PDZRN4: variants seen among roughly 807,000 people sequenced by gnomAD.
PDZRN4 encodes the protein PDZ domain containing ring finger 4.
A neutral mutation model predicts 99.0 loss-of-function variants in PDZRN4; 70 were observed. That is an observed-to-expected ratio of 0.71 (90% CI 0.58 to 0.86). PDZRN4 has a LOEUF of 0.86. Among genes scored for constraint, PDZRN4 ranks in the 40% least tolerant of loss-of-function variants. The pLI, the probability that PDZRN4 is intolerant of heterozygous loss-of-function variation, is 0.00. For synonymous variants in PDZRN4, 551 were observed against 501.6 expected (o/e 1.10, Z -1.32); for missense variants, 1,474 against 1,331.2 (o/e 1.11, Z -1.67).
intron 3 of PDZRN4, among the ~76,000 whole-genome samples, chr12:41,302,771 A>T (rs896150796): frequency 6.6e-6 from 1 of 151,954 alleles, no homozygotes; most frequent in African/African-American, 2.4e-5. Flanking sequence ...ATCAATTGTT[A>T]ATTTTGCACT....
intron 3 of PDZRN4, among the ~76,000 whole-genome samples, chr12:41,252,322 G>A (rs1233206824): frequency 2.6e-5 from 4 of 152,038 alleles, no homozygotes; most frequent in African/African-American, 9.7e-5. Context: ...GCCACAAACA[G>A]GTAAATGTTC....
At chr12:41,208,788 A>G (rs973892541) in intron 3 of PDZRN4, among the ~76,000 whole-genome samples, 5 of 151,958 alleles carry the variant, frequency 3.3e-5, no homozygotes, top group African/African-American at 1.2e-4. Context: ...TAAGGAAACA[A>G]AGTGAAGATT....
chr12:41,555,590 C>A, intron 6 of PDZRN4, 108 bp from the exon 7 acceptor site: 3 of 815,380 alleles, frequency 3.7e-6, no homozygotes, highest in East Asian at 2.6e-5. Context: ...CACAAATCAA[C>A]AGAGAATTTT....
intron 3 of PDZRN4, among the ~76,000 whole-genome samples, chr12:41,251,503 G>A (rs981154268): frequency 6.6e-6 from 1 of 152,150 alleles, no homozygotes; most frequent in South Asian, 2.1e-4. Flanking sequence ...TTTTAGCAGA[G>A]TTAATATTGC....
At chr12:41,380,367 C>A (rs192958404) in intron 3 of PDZRN4, among the ~76,000 whole-genome samples, 2 of 151,852 alleles carry the variant, frequency 1.3e-5, no homozygotes, top group South Asian at 4.2e-4. Flanking sequence ...CTTGCTATTG[C>A]CATTTTGCTG....
chr12:41,557,948 G>A (rs1042235080), intron 7 of PDZRN4, among the ~76,000 whole-genome samples: 41 of 152,136 alleles, frequency 2.7e-4, no homozygotes, highest in Non-Finnish European at 3.1e-4. Context: ...ACATGCACAT[G>A]AATAAATCAA....
At chr12:41,481,265 T>G (rs1337676331) in intron 3 of PDZRN4, among the ~76,000 whole-genome samples, 2 of 152,060 alleles carry the variant, frequency 1.3e-5, no homozygotes, top group Non-Finnish European at 2.9e-5. Context: ...CTCTTCCCAG[T>G]CTGACCACCC....
intron 5 of PDZRN4, among the ~76,000 whole-genome samples, chr12:41,542,515 G>T (rs918731572): frequency 2.6e-5 from 4 of 152,214 alleles, no homozygotes; most frequent in South Asian, 4.1e-4. Flanking sequence ...TGGATAATAC[G>T]CTTCATTCAG....
At chr12:41,347,387 A>G (rs1456647949) in intron 3 of PDZRN4, among the ~76,000 whole-genome samples, 1 of 152,098 alleles carries the variant, frequency 6.6e-6, no homozygotes, top group Non-Finnish European at 1.5e-5. Context: ...GCATTTTGCT[A>G]ATGACTAATG....
At chr12:41,451,649 G>T (rs906078156) in intron 3 of PDZRN4, among the ~76,000 whole-genome samples, 1 of 152,096 alleles carries the variant, frequency 6.6e-6, no homozygotes, top group Non-Finnish European at 1.5e-5. Flanking sequence ...TTGCCTTCTC[G>T]CAATTTCTAA....
intron 3 of PDZRN4, among the ~76,000 whole-genome samples, chr12:41,451,174 TAAAA>T (rs34555314): frequency 6.7e-6 from 1 of 149,218 alleles, no homozygotes; most frequent in Non-Finnish European, 1.5e-5. Flanking sequence ...AATTTAGATT[TAAAA>T]AAAAAAAACT....
intron 3 of PDZRN4, among the ~76,000 whole-genome samples, chr12:41,373,459 C>T (rs550912602): frequency 6.6e-6 from 1 of 152,082 alleles, no homozygotes; most frequent in Admixed American, 6.6e-5. Context: ...TTCTCTTTCT[C>T]AGGGATGTTC....
intron 1 of PDZRN4, among the ~76,000 whole-genome samples, chr12:41,190,127 G>C (rs1035980409): frequency 6.6e-6 from 1 of 152,204 alleles, no homozygotes; most frequent in East Asian, 1.9e-4. Flanking sequence ...CAGCACTCCC[G>C]GGGAGGAGCA....
intron 3 of PDZRN4, among the ~76,000 whole-genome samples, chr12:41,330,981 A>G (rs1458755681): frequency 1.3e-5 from 2 of 152,130 alleles, no homozygotes. Flanking sequence ...ATTTTGTTCC[A>G]TAACAATTGA....
intron 3 of PDZRN4, among the ~76,000 whole-genome samples, chr12:41,420,500 T>C (rs894165509): frequency 6.6e-6 from 1 of 152,136 alleles, no homozygotes; most frequent in East Asian, 1.9e-4. Flanking sequence ...CACAGCCCCC[T>C]CTGCCTTACT....
chr12:41,434,843 CAG>C lies in PDZRN4; in HGVS notation c.844-71611_844-71610del, dbSNP rs1468035585. Among the ~76,000 whole-genome samples, 8 of 152,302 alleles carry C rather than the reference CAG, an allele frequency of 5.3e-5. No individual in the cohort carries two copies. The East Asian group carries it at 1.5e-3, about 29-fold the overall frequency. ...TATCCCGTATTATTATTGCCCAAGA[CAG>C]ATAATATCTGCTCTATTTGCATTTT... On this transcript the variant is annotated intron_variant, in intron 3 of 9. Transcript: ENST00000402685.
chr12:41,408,836 G>A (rs993305960), intron 3 of PDZRN4, among the ~76,000 whole-genome samples: 4 of 143,188 alleles, frequency 2.8e-5, no homozygotes, highest in Admixed American at 2.1e-4. Flanking sequence ...TCACTCTCTC[G>A]CACTCTCTTG....
intron 8 of PDZRN4, among the ~76,000 whole-genome samples, chr12:41,566,361 G>A (rs1272107842): frequency 6.6e-6 from 1 of 152,078 alleles, no homozygotes; most frequent in Non-Finnish European, 1.5e-5. Context: ...AATTTTTTAT[G>A]ATGTCTGGCA....
At chr12:41,545,176 T>A (rs1938924350) in intron 5 of PDZRN4, among the ~76,000 whole-genome samples, 1 of 152,298 alleles carries the variant, frequency 6.6e-6, no homozygotes, top group African/African-American at 2.4e-5. Flanking sequence ...CCAAATTATT[T>A]AATAGGGTGT....
Sources: allele counts gnomAD v4.1 joint callset (sites outside exome capture counted in the v4.1 genomes callset), GRCh38; gene constraint gnomAD v4.1.1; transcripts MANE v1.5; gene names NCBI Gene and HGNC (gene_info 2026-07-23, HGNC 2026-07-21).